Variants in UBTD2 observed in about 807,000 individuals in gnomAD.
UBTD2 encodes ubiquitin domain containing 2, also known as ubiquitin domain-containing protein 2.
Under a neutral mutation model 19.8 loss-of-function variants are expected in UBTD2, and 9 were observed. That is an observed-to-expected ratio of 0.46 (90% CI 0.27 to 0.79). UBTD2 has a LOEUF of 0.79. UBTD2 is among the 30% of genes least tolerant of loss of function. UBTD2 has a pLI of 0.14. For synonymous variants in UBTD2, 98 were observed against 103.9 expected (o/e 0.94, Z 0.35); for missense variants, 250 against 300.4 (o/e 0.83, Z 1.24).
At chr5:172,275,153 C>G (rs1335860423) in intron 1 of UBTD2, among the ~76,000 whole-genome samples, 1 of 152,190 alleles carries the variant, frequency 6.6e-6, no homozygotes, top group African/African-American at 2.4e-5. Flanking sequence ...GAAGGGGCAA[C>G]AAACACGTCC....
At chr5:172,241,973 G>A (rs1040160265) in intron 1 of UBTD2, among the ~76,000 whole-genome samples, 13 of 152,366 alleles carry the variant, frequency 8.5e-5, no homozygotes, top group Middle Eastern at 3.4e-3. Flanking sequence ...AGCTGCGATC[G>A]TGCAACTGCA....
intron 1 of UBTD2, among the ~76,000 whole-genome samples, chr5:172,240,571 T>C (rs116169741): frequency 2.0e-5 from 3 of 152,154 alleles, no homozygotes; most frequent in African/African-American, 4.8e-5. Context: ...GATCTGAGCA[T>C]ACAAACAGGC....
chr5:172,257,256 GTTAA>G (rs1302171659), intron 1 of UBTD2, among the ~76,000 whole-genome samples: 1 of 152,190 alleles, frequency 6.6e-6, no homozygotes, highest in Non-Finnish European at 1.5e-5. Flanking sequence ...CTGTTTCTGT[GTTAA>G]TTCACTTAGG....
At chr5:172,227,025 C>T (rs1771780377) in intron 2 of UBTD2, among the ~76,000 whole-genome samples, 1 of 152,134 alleles carries the variant, frequency 6.6e-6, no homozygotes, top group Non-Finnish European at 1.5e-5. Context: ...ATTTTCAGTG[C>T]TCTAAAAGGG....
intron 1 of UBTD2, among the ~76,000 whole-genome samples, chr5:172,270,017 C>G (rs886494029): frequency 1.3e-5 from 2 of 151,478 alleles, no homozygotes; most frequent in Non-Finnish European, 2.9e-5. Context: ...GCAGAGGTTG[C>G]AGTGAGCCGA....
At chr5:172,249,826 A>G (rs972185298) in intron 1 of UBTD2, among the ~76,000 whole-genome samples, 2 of 152,262 alleles carry the variant, frequency 1.3e-5, no homozygotes, top group Admixed American at 6.5e-5. Flanking sequence ...CCACGTGATC[A>G]TCTCAATTAA....
chr5:172,260,093 AG>A (rs1395819225), intron 1 of UBTD2, among the ~76,000 whole-genome samples: 1 of 151,220 alleles, frequency 6.6e-6, no homozygotes, highest in African/African-American at 2.4e-5. Flanking sequence ...CCCAACAAAA[AG>A]AAGAGCAAAT....
At chr5:172,248,850 G>A (rs1423555771) in intron 1 of UBTD2, among the ~76,000 whole-genome samples, 1 of 151,056 alleles carries the variant, frequency 6.6e-6, no homozygotes, top group Non-Finnish European at 1.5e-5. Context: ...GAGGCTGGAA[G>A]ATCACTTGAG....
At chr5:172,220,545 G>C (rs995165005) in intron 2 of UBTD2, among the ~76,000 whole-genome samples, 6 of 152,204 alleles carry the variant, frequency 3.9e-5, no homozygotes, top group African/African-American at 9.7e-5. Context: ...TGAGGCAGGA[G>C]AATCACTTGA....
At chr5:172,252,666 T>TGA (rs1755048476) in intron 1 of UBTD2, among the ~76,000 whole-genome samples, 5 of 152,162 alleles carry the variant, frequency 3.3e-5, no homozygotes, top group African/African-American at 9.6e-5. Context: ...AAGTTTCCTC[T>TGA]GCTTGAGAAA....
At chr5:172,252,861 A>G (rs1755057718) in intron 1 of UBTD2, among the ~76,000 whole-genome samples, 2 of 152,200 alleles carry the variant, frequency 1.3e-5, no homozygotes, top group African/African-American at 4.8e-5. Context: ...TGGCTTGTGC[A>G]AGATTTTGCT....
intron 2 of UBTD2, among the ~76,000 whole-genome samples, chr5:172,219,861 T>C (rs973853904): frequency 2.0e-5 from 3 of 152,202 alleles, no homozygotes; most frequent in African/African-American, 7.2e-5. Flanking sequence ...AGAAAAGAAT[T>C]GTGTTCCAAT....
At chr5:172,254,366 G>A in intron 1 of UBTD2, 1 of 260,252 alleles carries the variant, frequency 3.8e-6, no homozygotes, top group Non-Finnish European at 7.4e-6. Context: ...CAAAGTGTTG[G>A]GATTACAGGC....
intron 1 of UBTD2, among the ~76,000 whole-genome samples, chr5:172,268,362 A>G (rs1755419337): frequency 1.1e-4 from 16 of 152,170 alleles, no homozygotes; most frequent in Admixed American, 9.8e-4. Flanking sequence ...GTAGCCTGGA[A>G]AATAGTTCAA....
rs58327908 is a variant in UBTD2, at chr5:172,243,554, C to CT, written c.71-9197dup. Among the ~76,000 whole-genome samples, 709 of 101,052 alleles carry CT rather than the reference C, an allele frequency of 7.0e-3. 12 individuals carry two copies. Among genetic ancestry groups the CT allele is most frequent in the African/African-American group, 0.021 (532 of 25,462 alleles). The allele number at this position is 101,052 out of a possible 152,430, so 66.3% of individuals were successfully genotyped here. A position where few individuals can be genotyped will look rare whatever the true frequency, so the allele number is the denominator to read the frequency against. On this transcript the variant is annotated intron_variant, in intron 1 of 2. Transcript: ENST00000393792. The stretch of plus-strand genomic sequence containing the variant: ...TCCAGCCTCCAGAATTGTGAGAAAC[C>CT]TTTTTTTTTTTTTTTTTTTTTTTAA...
chr5:172,261,519 TAATC>T, intron 1 of UBTD2, among the ~76,000 whole-genome samples: 1 of 152,278 alleles, frequency 6.6e-6, no homozygotes, highest in Admixed American at 6.5e-5. Context: ...AGAAAGAACA[TAATC>T]AAGTAAAGGG....
chr5:172,265,024 G>A (rs950188174), intron 1 of UBTD2, among the ~76,000 whole-genome samples: 2 of 152,214 alleles, frequency 1.3e-5, no homozygotes, highest in African/African-American at 4.8e-5. Flanking sequence ...GCACAGATCA[G>A]CCCAAGGGCA....
chr5:172,238,966 C>T (rs1013167412), intron 1 of UBTD2, among the ~76,000 whole-genome samples: 3 of 152,170 alleles, frequency 2.0e-5, no homozygotes, highest in Non-Finnish European at 4.4e-5. Context: ...CCGTAACAGA[C>T]GGTGCTAAAC....
chr5:172,253,318 C>T (rs7722367), intron 1 of UBTD2, among the ~76,000 whole-genome samples: 2,138 of 152,290 alleles, frequency 0.014, 39 homozygotes, highest in African/African-American at 0.048. Context: ...AAACTATGCT[C>T]ATAAAAGCTT....
Sources: allele counts gnomAD v4.1 joint callset (sites outside exome capture counted in the v4.1 genomes callset), GRCh38; gene constraint gnomAD v4.1.1; transcripts MANE v1.5; gene names NCBI Gene and HGNC (gene_info 2026-07-23, HGNC 2026-07-21).